TIRAP: variants seen among roughly 807,000 people sequenced by gnomAD.
TIRAP encodes TIR domain containing adaptor protein.
In TIRAP, 20 loss-of-function variants were observed where a neutral mutation model predicts 19.8. That is an observed-to-expected ratio of 1.01 (90% CI 0.71 to 1.47). The LOEUF (loss-of-function observed/expected upper bound fraction) is 1.47, where lower values mean the gene tolerates loss of function less well. TIRAP is among the 40% of genes most tolerant of loss of function. The probability of loss-of-function intolerance (pLI) is 0.00; values close to 1 mark genes in which losing one functional copy is unlikely to be tolerated. For synonymous variants in TIRAP, 125 were observed against 121.7 expected (o/e 1.03, Z -0.18); for missense variants, 276 against 285.1 (o/e 0.97, Z 0.23).
chr11:126,284,781 G>A (rs1357030578), intron 1 of TIRAP, among the ~76,000 whole-genome samples: 1 of 151,730 alleles, frequency 6.6e-6, no homozygotes, highest in African/African-American at 2.4e-5. Flanking sequence ...TTGAACGTGG[G>A]AGGCAGAGGT....
At position 126,293,694 on chromosome 11, in the gene TIRAP, TTA is replaced by T. The variant is rs1356075914; in HGVS notation, c.*11_*12del. 1.9e-6 allele frequency: 3 copies of T among 1,614,158 alleles called. No individual in the cohort carries two copies. The highest frequency in any genetic ancestry group is 2.5e-6 in the Non-Finnish European group (3 of 1,179,996). On this transcript the variant is annotated 3_prime_UTR_variant, in exon 5 of 5. Transcript: ENST00000392679. Reference sequence around the variant, plus strand: ...TCTGCAGACACTCAGTTGACACTTGTTATATCATGGGACCCCGGAAATTGGAG... The same window carrying T: ...TCTGCAGACACTCAGTTGACACTTGTTATCATGGGACCCCGGAAATTGGAG...
At chr11:126,283,338 G>C (rs1280216062) in intron 1 of TIRAP, among the ~76,000 whole-genome samples, 185 bp downstream of exon 1, 1 of 152,154 alleles carries the variant, frequency 6.6e-6, no homozygotes, top group Non-Finnish European at 1.5e-5. Flanking sequence ...CACCTTTCTG[G>C]CACCCGCAAC....
In TIRAP at chr11:126,287,714, A is replaced by G. The variant is rs1231186917; in HGVS notation, c.-216-2748A>G. 1.3e-5 allele frequency among the ~76,000 whole-genome samples: 2 copies of G among 152,108 alleles called. No individual in the cohort carries two copies. Among genetic ancestry groups the G allele is most frequent in the East Asian group, 1.9e-4 (1 of 5,176 alleles). ...AAGCATTCTAGAAAGCACTAAAGGT[A>G]TTGTGCTACTTCTTTTCTGAAGAAA... On this transcript the variant is annotated intron_variant, in intron 1 of 4. Coordinates refer to ENST00000392679, the MANE Select transcript of TIRAP (RefSeq NM_001318777.2). This position sits in a 1 kb window ranked among gnomAD's most constrained non-coding sequence, Gnocchi z 4.2.
intron 1 of TIRAP, among the ~76,000 whole-genome samples, chr11:126,285,243 G>GTGTGTGTATATATATTATA: frequency 9.3e-6 from 1 of 106,974 alleles, no homozygotes; most frequent in African/African-American, 3.5e-5. Flanking sequence ...GTGTGTGTGT[G>GTGTGTGTATATATATTATA]TATATATATA....
chr11:126,291,709 C>T lies in TIRAP; in HGVS notation c.67+748C>T, dbSNP rs553755722. ...CCCCTTCCTTCCTGTATACGTAGCC[C>T]TTCCTAATCTAAGTCCACCTCCCCT... On this transcript the variant is annotated intron_variant, in intron 3 of 4. Coordinates refer to ENST00000392679, the MANE Select transcript of TIRAP (RefSeq NM_001318777.2). This position sits in a 1 kb window ranked among gnomAD's most constrained non-coding sequence, Gnocchi z 5.6. 1.4e-5 allele frequency: 5 copies of T among 365,346 alleles called. 1 individual carries two copies. The highest frequency in any genetic ancestry group is 8.5e-5 in the African/African-American group (4 of 46,904). 22.6% of individuals were successfully genotyped at this position (365,346 alleles called of 1,614,324 possible).
Position 126,292,653 on chromosome 11 carries a change from T to G in TIRAP, c.244T>G (p.Trp82Gly), listed in dbSNP as rs1049044345. The change falls in exon 4 of 5, where the codon TGG becomes GGG. Residue 82 changes from tryptophan (W) to glycine (G), a missense_variant. By Grantham distance (184) the Trp-to-Gly change is radical (BLOSUM62 -2). Coordinates refer to ENST00000392679, the MANE Select transcript of TIRAP (RefSeq NM_001318777.2). The part of the protein sequence containing the change: ...THASDSGSSR[W>G]SKDYDVCVCH... ...TGCGAGTGACAGTGGCAGTAGTCGCTGGAGCAAAGACTATGACGTCTGCGT... is the reference window on the plus strand; with the variant it reads ...TGCGAGTGACAGTGGCAGTAGTCGCGGGAGCAAAGACTATGACGTCTGCGT... The G allele has an allele frequency of 2.5e-6, 4 of 1,614,114 alleles. No homozygotes were observed. Among genetic ancestry groups the G allele is most frequent in the Non-Finnish European group, 3.4e-6 (4 of 1,180,010 alleles).
rs966910587 is a variant in TIRAP, at chr11:126,291,164, T to C, written c.67+203T>C. 1.4e-6 allele frequency: 1 copy of C among 697,748 alleles called. No individual in the cohort carries two copies. Among genetic ancestry groups the C allele is most frequent in the African/African-American group, 1.8e-5 (1 of 55,546 alleles). The allele number at this position is 697,748 out of a possible 1,614,324, so 43.2% of individuals were successfully genotyped here. The stretch of plus-strand genomic sequence containing the variant: ...CTGCGTCAGCTCAGCCAGATCTTTA[T>C]CCTTTTGGCTCAAAGGTTTTCCAGG... On this transcript the variant is annotated intron_variant, in intron 3 of 4. Coordinates refer to ENST00000392679, the MANE Select transcript of TIRAP (RefSeq NM_001318777.2). The surrounding 1 kb of genome is among the most constrained non-coding windows in gnomAD (Gnocchi z 5.6).
chr11:126,284,487 T>A (rs1565362372), intron 1 of TIRAP, among the ~76,000 whole-genome samples: 1 of 152,094 alleles, frequency 6.6e-6, no homozygotes, highest in Non-Finnish European at 1.5e-5. Flanking sequence ...CACGGGTTGA[T>A]GGACAGTCGT....
At position 126,291,156 on chromosome 11, in the gene TIRAP, G is replaced by C; in HGVS notation, c.67+195G>C. 1.4e-6 allele frequency: 1 copy of C among 715,804 alleles called. No homozygotes were observed. Among genetic ancestry groups the C allele is most frequent in the Non-Finnish European group, 2.3e-6 (1 of 444,238 alleles). The allele number at this position is 715,804 out of a possible 1,614,324, so 44.3% of individuals were successfully genotyped here. A position where few individuals can be genotyped will look rare whatever the true frequency, so the allele number is the denominator to read the frequency against. ...GGGGAGGCCTGCGTCAGCTCAGCCA[G>C]ATCTTTATCCTTTTGGCTCAAAGGT... On this transcript the variant is annotated intron_variant, in intron 3 of 4. Transcript: ENST00000392679. This position sits in a 1 kb window ranked among gnomAD's most constrained non-coding sequence, Gnocchi z 5.6.
At position 126,290,973 on chromosome 11, in the gene TIRAP, C is replaced by T. The variant is rs143034071; in HGVS notation, c.67+12C>T. On this transcript the variant is annotated intron_variant, in intron 3 of 4. Coordinates refer to ENST00000392679, the MANE Select transcript of TIRAP (RefSeq NM_001318777.2). This position sits in a 1 kb window ranked among gnomAD's most constrained non-coding sequence, Gnocchi z 4.9. The stretch of plus-strand genomic sequence containing the variant: ...AGGCAAGATGGCTGGTGAGTGGAAC[C>T]GGACTCGCGACTCTGCTGTGTTCCT... 561 of 1,599,308 alleles carry T rather than the reference C, an allele frequency of 3.5e-4. 2 individuals are homozygous for T. The highest frequency in any genetic ancestry group is 3.4e-4 in the Non-Finnish European group (395 of 1,172,024).
rs1951302215 is a variant in TIRAP, at chr11:126,284,955, T to G, written c.-217+1802T>G. 2.0e-5 allele frequency among the ~76,000 whole-genome samples: 3 copies of G among 151,968 alleles called. No individual in the cohort carries two copies. The South Asian group carries it at 6.2e-4, about 32-fold the overall frequency. On this transcript the variant is annotated intron_variant, in intron 1 of 4. Coordinates refer to ENST00000392679, the MANE Select transcript of TIRAP (RefSeq NM_001318777.2). ...TCATCTTAGTCTATGGCCAAACACTTCTCCACCGGCAGTGTTCGAGTTCCC... is the reference window on the plus strand; with the variant it reads ...TCATCTTAGTCTATGGCCAAACACTGCTCCACCGGCAGTGTTCGAGTTCCC...
In TIRAP at chr11:126,288,816, G is replaced by A. The variant is rs1203927376; in HGVS notation, c.-216-1646G>A. Among the ~76,000 whole-genome samples the A allele has an allele frequency of 6.6e-6, 1 of 152,100 alleles. No homozygotes were observed. Among genetic ancestry groups the A allele is most frequent in the Admixed American group, 6.5e-5 (1 of 15,274 alleles). On this transcript the variant is annotated intron_variant, in intron 1 of 4. Coordinates refer to ENST00000392679, the MANE Select transcript of TIRAP (RefSeq NM_001318777.2). This position sits in a 1 kb window ranked among gnomAD's most constrained non-coding sequence, Gnocchi z 5.0. ...ATATTATGTTAATTTTTAACCTTTA[G>A]AATATTTACAAATCAAATGATGCTC... is the stretch of plus-strand genomic sequence containing the variant.
intron 1 of TIRAP, among the ~76,000 whole-genome samples, chr11:126,285,243 G>GTGTGTGTGTGTGTATATATATATATA: frequency 5.0e-4 from 53 of 106,968 alleles, no homozygotes; most frequent in South Asian, 1.3e-3. Context: ...GTGTGTGTGT[G>GTGTGTGTGTGTGTATATATATATATA]TATATATATA....
Position 126,291,502 on chromosome 11 carries a change from A to C in TIRAP, c.67+541A>C. 908 of 985,870 alleles carry C rather than the reference A, an allele frequency of 9.2e-4. No individual in the cohort carries two copies. The highest frequency in any genetic ancestry group is 1.2e-3 in the Non-Finnish European group (814 of 707,312). The allele number at this position is 985,870 out of a possible 1,614,324, so 61.1% of individuals were successfully genotyped here. On this transcript the variant is annotated intron_variant, in intron 3 of 4. Transcript: ENST00000392679. This position sits in a 1 kb window ranked among gnomAD's most constrained non-coding sequence, Gnocchi z 5.6. ...GACATACCTGACACTGCATTATCTC[A>C]GTTAACTTTCAGCAACTAAGACAGG...
rs764568258 is a variant in TIRAP at position 126,293,729 on chromosome 11, A to G, written c.*42A>G. 1 of 1,612,448 alleles carries G rather than the reference A, an allele frequency of 6.2e-7. No homozygotes were observed. The highest frequency in any genetic ancestry group is 8.5e-7 in the Non-Finnish European group (1 of 1,178,430). On this transcript the variant is annotated 3_prime_UTR_variant, in exon 5 of 5. Transcript: ENST00000392679. ...GGACCCCGGAAATTGGAGTGAAGCT[A>G]GAAACAGAAAACCCATGCAGGGCCT...
Position 126,287,149 on chromosome 11 carries a change from T to C in TIRAP, c.-216-3313T>C, listed in dbSNP as rs938730145. Among the ~76,000 whole-genome samples, 8 of 152,336 alleles carry C rather than the reference T, an allele frequency of 5.3e-5. No individual in the cohort carries two copies. The highest frequency in any genetic ancestry group is 4.1e-4 in the South Asian group (2 of 4,826). On this transcript the variant is annotated intron_variant, in intron 1 of 4. Coordinates refer to ENST00000392679, the MANE Select transcript of TIRAP (RefSeq NM_001318777.2). The surrounding 1 kb of genome is among the most constrained non-coding windows in gnomAD (Gnocchi z 4.2). Reference sequence around the variant, plus strand: ...CCGGGGATTAGGATGTGGGCCTCTTTGTGGGCCACTATTCTGTCTACCCCA... The same window carrying C: ...CCGGGGATTAGGATGTGGGCCTCTTCGTGGGCCACTATTCTGTCTACCCCA...
In TIRAP at chr11:126,290,703, C is replaced by A; in HGVS notation, c.-92-100C>A. On this transcript the variant is annotated intron_variant, in intron 2 of 4. Coordinates refer to ENST00000392679, the MANE Select transcript of TIRAP (RefSeq NM_001318777.2). The surrounding 1 kb of genome is among the most constrained non-coding windows in gnomAD (Gnocchi z 4.9). ...ACCCATTTAGAGAAGAAGCCTCTGT[C>A]AGGCATTAGGAGAGAAACAGAACTT... 7.3e-7 allele frequency: 1 copy of A among 1,366,470 alleles called. No homozygotes were observed. 84.6% of individuals were successfully genotyped at this position (1,366,470 alleles called of 1,614,324 possible). A position where few individuals can be genotyped will look rare whatever the true frequency, so the allele number is the denominator to read the frequency against.
intron 1 of TIRAP, among the ~76,000 whole-genome samples, chr11:126,285,212 T>C (rs1336394514): frequency 6.7e-6 from 1 of 149,788 alleles, no homozygotes; most frequent in South Asian, 2.1e-4. Flanking sequence ...ATTTGTGATA[T>C]AAGACATTTA....
rs1415811401 is a variant in TIRAP at position 126,290,926 on chromosome 11, G to A, written c.32G>A (p.Gly11Asp). The change falls in exon 3 of 5, where the codon GGC (glycine) becomes GAC (aspartate). Residue 11 changes from glycine (G) to aspartate (D), a missense_variant. Physicochemically the swap from Gly to Asp is moderately conservative, Grantham distance 94. Transcript: ENST00000392679. This position sits in a 1 kb window ranked among gnomAD's most constrained non-coding sequence, Gnocchi z 4.9. MASSTSLPAP[G>D]SRPKKPLGKM... ...TCATCGACCTCCCTCCCAGCTCCTG[G>A]CTCTCGGCCTAAGAAGCCTCTAGGC... 6.2e-7 allele frequency: 1 copy of A among 1,607,166 alleles called. No homozygotes were observed. The highest frequency in any genetic ancestry group is 1.1e-5 in the South Asian group (1 of 89,764).
Sources: allele counts gnomAD v4.1 joint callset (sites outside exome capture counted in the v4.1 genomes callset), GRCh38; gene constraint gnomAD v4.1.1; non-coding constraint Gnocchi (gnomAD v3.1); transcripts MANE v1.5; gene names NCBI Gene and HGNC (gene_info 2026-07-23, HGNC 2026-07-21).